HDAC9: variants seen among roughly 807,000 people sequenced by gnomAD.
The protein encoded by HDAC9 is histone deacetylase 9.
HDAC9 carries 41 observed loss-of-function variants against 139.4 expected under a neutral mutation model. The ratio of observed to expected loss-of-function variants is 0.29; its 90% CI spans 0.23 to 0.38. The LOEUF is 0.38. Ranked by LOEUF, HDAC9 falls within the 10% of genes least tolerant of loss-of-function variation. The probability of loss-of-function intolerance (pLI) is 1.00; values close to 1 mark genes in which losing one functional copy is unlikely to be tolerated. For missense variants in HDAC9, 1,147 were observed against 1,297.0 expected, an observed-to-expected ratio of 0.88 and a Z score of 1.78; for synonymous variants, 517 against 476.2, an observed-to-expected ratio of 1.09 and a Z score of -1.12.
intron 1 of HDAC9, among the ~76,000 whole-genome samples, chr7:18,300,258 AGTTCTTCCAGTCC>A (rs1383571838): frequency 6.6e-6 from 1 of 151,912 alleles, no homozygotes; most frequent in Admixed American, 6.6e-5. Flanking sequence ...GGCCCAAGAC[AGTTCTTCCAGTCC>A]GTGGCCCAGA....
At chr7:18,938,327 G>A (rs1303594727) in intron 23 of HDAC9, among the ~76,000 whole-genome samples, 2 of 151,722 alleles carry the variant, frequency 1.3e-5, no homozygotes, top group African/African-American at 2.4e-5. Flanking sequence ...CGGGCGCGGT[G>A]TCTCACGCCT....
intron 23 of HDAC9, among the ~76,000 whole-genome samples, chr7:18,946,731 G>A (rs547914304): frequency 7.9e-5 from 12 of 152,124 alleles, no homozygotes; most frequent in African/African-American, 2.2e-4. Context: ...TTTAGTACAC[G>A]TCTCTCAGTA....
At chr7:18,896,938 A>G (rs1801254903) in intron 22 of HDAC9, among the ~76,000 whole-genome samples, 1 of 151,970 alleles carries the variant, frequency 6.6e-6, no homozygotes, top group Admixed American at 6.6e-5. Context: ...ATTCATTCTC[A>G]ATTCCTGAGA....
intron 22 of HDAC9, among the ~76,000 whole-genome samples, chr7:18,883,435 A>C (rs1799881321): frequency 6.6e-6 from 1 of 152,154 alleles, no homozygotes; most frequent in Admixed American, 6.6e-5. Context: ...TGAAGGACAA[A>C]AACTATATGA....
intron 2 of HDAC9, among the ~76,000 whole-genome samples, chr7:18,166,385 T>C (rs1340727809): frequency 6.6e-6 from 1 of 152,250 alleles, no homozygotes; most frequent in Non-Finnish European, 1.5e-5. Context: ...CAAGATCTTA[T>C]ATTCTGTTCA....
chr7:18,935,182 G>A (rs1781541438), intron 22 of HDAC9, among the ~76,000 whole-genome samples: 1 of 152,078 alleles, frequency 6.6e-6, no homozygotes, highest in Non-Finnish European at 1.5e-5. Context: ...AAAAAGTGTT[G>A]CTAACTTAAT....
At chr7:18,536,409 A>G (rs1380547156) in intron 2 of HDAC9, among the ~76,000 whole-genome samples, 16 of 152,240 alleles carry the variant, frequency 1.1e-4, no homozygotes, top group Non-Finnish European at 8.8e-5. Flanking sequence ...GAAGAGCCCA[A>G]AATAAGAAAG....
chr7:18,289,896 C>T (rs552278524), upstream of HDAC9, among the ~76,000 whole-genome samples: 6 of 152,178 alleles, frequency 3.9e-5, no homozygotes, highest in African/African-American at 1.4e-4. Context: ...ACATTTGGTA[C>T]TTTGCCCTGT....
At chr7:18,260,326 T>G (rs930260979) in intron 2 of HDAC9, among the ~76,000 whole-genome samples, 5 of 146,522 alleles carry the variant, frequency 3.4e-5, no homozygotes, top group African/African-American at 7.5e-5. Context: ...TTTTTTTGTT[T>G]TTTTTTTTTT....
chr7:18,548,377 A>G (rs1815923742), intron 2 of HDAC9, among the ~76,000 whole-genome samples: 3 of 152,226 alleles, frequency 2.0e-5, no homozygotes, highest in Non-Finnish European at 4.4e-5. Context: ...TGATAGAGAC[A>G]TAAAGTGAGC....
In HDAC9 at chr7:18,495,803, G is replaced by C. The variant is rs1180676413; in HGVS notation, c.-262G>C. On this transcript the variant is annotated 5_prime_UTR_variant, in exon 1 of 26. Coordinates refer to ENST00000686413, the MANE Select transcript of HDAC9 (RefSeq NM_178425.4). Reference sequence around the variant, plus strand: ...GGGCACCGGCTGGAGCCACTTGCAGGACTGAGGGTTTTTGCAACAAAACCC... The same window carrying C: ...GGGCACCGGCTGGAGCCACTTGCAGCACTGAGGGTTTTTGCAACAAAACCC... 9.9e-7 allele frequency: 1 copy of C among 1,008,366 alleles called. No individual in the cohort carries two copies. The highest frequency in any genetic ancestry group is 1.7e-5 in the African/African-American group (1 of 58,146). 62.5% of individuals were successfully genotyped at this position (1,008,366 alleles called of 1,614,324 possible).
At chr7:18,900,434 C>G (rs921125506) in intron 22 of HDAC9, among the ~76,000 whole-genome samples, 4 of 152,162 alleles carry the variant, frequency 2.6e-5, no homozygotes, top group African/African-American at 9.7e-5. Context: ...AAATGCCAAC[C>G]TCAGAGACGC....
At chr7:18,503,699 A>C (rs1394405984) in intron 2 of HDAC9, among the ~76,000 whole-genome samples, 1 of 152,190 alleles carries the variant, frequency 6.6e-6, no homozygotes, top group Non-Finnish European at 1.5e-5. Flanking sequence ...CTTATGATTA[A>C]ACTTTTTGCA....
chr7:18,610,530 C>A (rs940775766), intron 6 of HDAC9, among the ~76,000 whole-genome samples: 1 of 152,182 alleles, frequency 6.6e-6, no homozygotes, highest in Non-Finnish European at 1.5e-5. Context: ...ATCTCACTTG[C>A]GCCCTCTAGA....
At chr7:18,254,606 C>T (rs1183914472) in intron 2 of HDAC9, among the ~76,000 whole-genome samples, 1 of 152,098 alleles carries the variant, frequency 6.6e-6, no homozygotes, top group Non-Finnish European at 1.5e-5. Context: ...CTGAGGTAAC[C>T]TTTGCTGCTT....
chr7:18,170,780 C>T (rs1788369389), intron 2 of HDAC9, among the ~76,000 whole-genome samples: 1 of 152,082 alleles, frequency 6.6e-6, no homozygotes, highest in Non-Finnish European at 1.5e-5. Context: ...ATTTCTGAAG[C>T]ATCTGTTCTG....
chr7:18,486,379 CA>C (rs1250957374), intron 1 of HDAC9, among the ~76,000 whole-genome samples: 2 of 152,090 alleles, frequency 1.3e-5, no homozygotes, highest in African/African-American at 2.4e-5. Flanking sequence ...AGTATATGAT[CA>C]TAAGGCCCTT....
chr7:18,586,228 ATATTAGATGTG>A (rs1829431102), intron 3 of HDAC9, among the ~76,000 whole-genome samples: 1 of 152,122 alleles, frequency 6.6e-6, no homozygotes, highest in Admixed American at 6.5e-5. Context: ...TTATCTAATA[ATATTAGATGTG>A]TCTGTTTTTT....
chr7:18,379,609 T>C (rs1785262564), intron 1 of HDAC9, among the ~76,000 whole-genome samples: 1 of 152,218 alleles, frequency 6.6e-6, no homozygotes, highest in African/African-American at 2.4e-5. Context: ...CACAAACAGT[T>C]CTTAAATTTT....
Sources: allele counts gnomAD v4.1 joint callset (sites outside exome capture counted in the v4.1 genomes callset), GRCh38; gene constraint gnomAD v4.1.1; transcripts MANE v1.5; gene names NCBI Gene and HGNC (gene_info 2026-07-23, HGNC 2026-07-21).